DNAH14: variants seen among roughly 807,000 people sequenced by gnomAD.
DNAH14 encodes dynein axonemal heavy chain 14.
A neutral mutation model predicts 520.9 loss-of-function variants in DNAH14; 478 were observed. The ratio of observed to expected loss-of-function variants is 0.92; its 90% confidence interval spans 0.85 to 0.99. The LOEUF (loss-of-function observed/expected upper bound fraction) is 0.99. DNAH14 is among the 50% of genes least tolerant of loss of function. DNAH14 has a pLI of 0.00. For synonymous variants in DNAH14, 1,581 were observed against 1,757.2 expected (o/e 0.90, Z 2.51); for missense variants, 4,831 against 5,234.5 (o/e 0.92, Z 2.38).
intron 54 of DNAH14, among the ~76,000 whole-genome samples, chr1:225,283,955 A>G (rs779979749): frequency 5.9e-5 from 9 of 152,138 alleles, no homozygotes; most frequent in Non-Finnish European, 8.8e-5. Context: ...ACTGCAGAGA[A>G]ATTAGAAAAT....
chr1:225,163,581 C>G (rs1459517004), intron 35 of DNAH14, among the ~76,000 whole-genome samples: 1 of 152,170 alleles, frequency 6.6e-6, no homozygotes, highest in Non-Finnish European at 1.5e-5. Context: ...TGAATTTTAT[C>G]AAGTGCATTT....
chr1:225,134,762 C>T (rs1394847644), intron 27 of DNAH14, among the ~76,000 whole-genome samples: 1 of 152,126 alleles, frequency 6.6e-6, no homozygotes, highest in Non-Finnish European at 1.5e-5. Flanking sequence ...AAGAGTCCTT[C>T]CTCTTCAATT....
At chr1:225,042,724 G>A (rs1436251371) in intron 12 of DNAH14, 111 bp from the exon 13 acceptor site, 51 of 1,154,144 alleles carry the variant, frequency 4.4e-5, no homozygotes, top group Non-Finnish European at 6.0e-5. Context: ...AGTGTTACTC[G>A]GTTATACTGG....
rs3856154 is a variant in DNAH14 at position 225,377,313 on chromosome 1, T to G, written c.12593T>G (p.Leu4198Arg). Residue 4198 changes from leucine (L) to arginine (R), a missense_variant, in exon 79 of 86, where the codon CTT becomes CGT. Coordinates refer to ENST00000682510, the MANE Select transcript of DNAH14 (RefSeq NM_001367479.1). Reference sequence around the variant, plus strand: ...ATCCAGTCCTTACCTGATGATGACCTTCCCGAGGTCTTAGGAATACACCCA... The same window carrying G: ...ATCCAGTCCTTACCTGATGATGACCGTCCCGAGGTCTTAGGAATACACCCA... ...HIIQSLPDDDLPEVLGIHPEA... is the reference protein window; with the variant it reads ...HIIQSLPDDDRPEVLGIHPEA... 1.0e-5 allele frequency: 16 copies of G among 1,549,914 alleles called. No individual in the cohort carries two copies. The African/African-American group carries it at 1.8e-4, about 17-fold the overall frequency.
At chr1:225,196,234 A>T (rs962224577) in intron 38 of DNAH14, among the ~76,000 whole-genome samples, 1 of 151,804 alleles carries the variant, frequency 6.6e-6, no homozygotes, top group Non-Finnish European at 1.5e-5. Flanking sequence ...GCATCCTCAT[A>T]GCTTAGCTCC....
intron 34 of DNAH14, among the ~76,000 whole-genome samples, chr1:225,155,011 G>A (rs1339327329): frequency 2.6e-5 from 4 of 151,990 alleles, no homozygotes; most frequent in Non-Finnish European, 5.9e-5. Context: ...AAATATGAAA[G>A]TGCCTTAAAT....
chr1:225,015,208 G>A (rs563732766), intron 10 of DNAH14, among the ~76,000 whole-genome samples: 43 of 152,208 alleles, frequency 2.8e-4, no homozygotes, highest in African/African-American at 1.0e-3. Context: ...TAGGTTTCTT[G>A]TAGGCAGCAT....
chr1:225,308,486 C>A, intron 60 of DNAH14, 76 bp downstream of exon 60: 1 of 1,407,246 alleles, frequency 7.1e-7, no homozygotes, highest in South Asian at 1.5e-5. Context: ...ATTTAAAAGT[C>A]AGACTGACTA....
intron 33 of DNAH14, 25 bp downstream of exon 33, chr1:225,152,908 A>C (rs1372075069): frequency 6.5e-7 from 1 of 1,542,626 alleles, no homozygotes; most frequent in African/African-American, 1.4e-5. Context: ...TTCTCAAAAT[A>C]TTTAAAGGTG....
chr1:225,001,105 C>CT (rs56251439), intron 8 of DNAH14, among the ~76,000 whole-genome samples: 15,082 of 144,106 alleles, frequency 0.1, 2,243 homozygotes, highest in African/African-American at 0.33. Context: ...AGGCAATGGA[C>CT]TTTTTTTTTT....
At chr1:225,016,187 T>C (rs1558689625) in intron 10 of DNAH14, among the ~76,000 whole-genome samples, 1 of 152,340 alleles carries the variant, frequency 6.6e-6, no homozygotes, top group Middle Eastern at 3.4e-3. Context: ...CATTGTCCCT[T>C]GGTGTCCATG....
intron 1 of DNAH14, among the ~76,000 whole-genome samples, chr1:224,947,813 A>G (rs561777070): frequency 1.3e-5 from 2 of 151,932 alleles, no homozygotes; most frequent in African/African-American, 2.4e-5. Context: ...AGTTATTTAG[A>G]CAGGTATTTC....
At chr1:225,118,401 C>T (rs1273401646) in intron 25 of DNAH14, among the ~76,000 whole-genome samples, 1 of 152,134 alleles carries the variant, frequency 6.6e-6, no homozygotes, top group African/African-American at 2.4e-5. Flanking sequence ...TCTGGTTTCA[C>T]TGTGGTTTGC....
At chr1:224,977,134 T>C (rs1377390430) in intron 8 of DNAH14, among the ~76,000 whole-genome samples, 1 of 151,940 alleles carries the variant, frequency 6.6e-6, no homozygotes, top group African/African-American at 2.4e-5. Flanking sequence ...GTGGCACATA[T>C]ACACCATGGA....
intron 4 of DNAH14, among the ~76,000 whole-genome samples, chr1:224,962,076 C>G (rs989107080): frequency 9.2e-5 from 14 of 151,960 alleles, no homozygotes; most frequent in Admixed American, 8.5e-4. Context: ...ATTTAGTATT[C>G]ATGTACTTAT....
At chr1:225,344,462 A>C (rs1262823185) in intron 69 of DNAH14, among the ~76,000 whole-genome samples, 1 of 152,140 alleles carries the variant, frequency 6.6e-6, no homozygotes, top group Non-Finnish European at 1.5e-5. Flanking sequence ...TCCCACTTAT[A>C]AATGAAAATA....
intron 55 of DNAH14, among the ~76,000 whole-genome samples, chr1:225,291,364 T>C (rs1053392205): frequency 2.0e-5 from 3 of 152,144 alleles, no homozygotes; most frequent in Admixed American, 2.0e-4. Flanking sequence ...TTTCCTTTTC[T>C]TTGGATAAAT....
At chr1:225,013,987 G>C (rs2065013789) in intron 10 of DNAH14, among the ~76,000 whole-genome samples, 1 of 152,086 alleles carries the variant, frequency 6.6e-6, no homozygotes, top group Non-Finnish European at 1.5e-5. Context: ...TGGTGTTCCA[G>C]GTGCCACTGG....
intron 8 of DNAH14, among the ~76,000 whole-genome samples, chr1:224,983,099 G>A (rs2062387896): frequency 6.6e-6 from 1 of 152,058 alleles, no homozygotes; most frequent in Non-Finnish European, 1.5e-5. Context: ...CATTTCTTAG[G>A]TCTATTAGTA....
Sources: allele counts gnomAD v4.1 joint callset (sites outside exome capture counted in the v4.1 genomes callset), GRCh38; gene constraint gnomAD v4.1.1; transcripts MANE v1.5; gene names NCBI Gene and HGNC (gene_info 2026-07-23, HGNC 2026-07-21).